DST: variants seen among roughly 807,000 people sequenced by gnomAD.
DST encodes the protein dystonin, also known as bullous pemphigoid antigen.
DST carries 253 observed loss-of-function variants against 875.2 expected under a neutral mutation model. That is an observed-to-expected ratio of 0.29 (90% CI 0.26 to 0.32). The LOEUF (loss-of-function observed/expected upper bound fraction) is 0.32, where lower values mean the gene tolerates loss of function less well. DST is among the 10% of genes least tolerant of loss of function. The pLI, the probability that DST is intolerant of heterozygous loss-of-function variation, is 1.00. For synonymous variants in DST, 3,124 were observed against 3,197.1 expected (o/e 0.98, Z 0.77); for missense variants, 8,287 against 9,111.6 (o/e 0.91, Z 3.68).
chr6:56,908,895 G>A (rs578040970), intron 2 of DST, among the ~76,000 whole-genome samples: 1 of 152,250 alleles, frequency 6.6e-6, no homozygotes, highest in South Asian at 2.1e-4. Context: ...GTCTAAAAGG[G>A]GGATGCATGA....
chr6:56,719,816 G>C (rs557196730), intron 5 of DST, among the ~76,000 whole-genome samples: 1 of 152,330 alleles, frequency 6.6e-6, no homozygotes, highest in African/African-American at 2.4e-5. Context: ...AAACCAGCAA[G>C]TTTTATTAGG....
chr6:56,607,225 G>A lies in DST; in HGVS notation c.7403C>T (p.Ala2468Val). ...CATGGTTTTGTCACTGAATGATAAG[G>A]CTGGGGCTTCACACTTATTTCCATT... is the stretch of plus-strand genomic sequence containing the variant. ...ESNGNKCEAP[A>V]LSFSDKTMLS... The change falls in exon 40 of 104, where the codon GCC becomes GTC. Residue 2468 changes from alanine to valine, a missense_variant. This residue lies in a region of DST where 3,138 missense variants were observed against 3,116.6 expected (regional missense o/e 1.01). Transcript: ENST00000680361. 6.2e-7 allele frequency: 1 copy of A among 1,613,370 alleles called. No homozygotes were observed. Among genetic ancestry groups the A allele is most frequent in the South Asian group, 1.1e-5 (1 of 91,052 alleles).
chr6:56,536,991 C>G, intron 61 of DST, 51 bp from the exon 62 acceptor site: 1 of 1,502,692 alleles, frequency 6.7e-7, no homozygotes. Context: ...TATCAACCGC[C>G]AAATATATAA....
rs141839678 is a variant in DST at position 56,620,023 on chromosome 6, C to T, written c.4929+4507G>A. Reference sequence around the variant, plus strand: ...ATGATGTAGCCTGTGTGATCGGACACACTGGCAATGCATTTTCTCTACATG... The same window carrying T: ...ATGATGTAGCCTGTGTGATCGGACATACTGGCAATGCATTTTCTCTACATG... On this transcript the variant is annotated intron_variant, in intron 36 of 103. Transcript: ENST00000680361. 237 of 1,614,096 alleles carry T rather than the reference C, an allele frequency of 1.5e-4. No homozygotes were observed. In the African/African-American group the frequency reaches 2.4e-3, roughly 17 times the overall value.
At chr6:56,525,732 C>T (rs1009957262) in intron 69 of DST, among the ~76,000 whole-genome samples, 20 of 152,238 alleles carry the variant, frequency 1.3e-4, no homozygotes, top group African/African-American at 3.1e-4. Flanking sequence ...TATTATATTA[C>T]GAACTTCTAT....
chr6:56,696,379 C>A (rs1325118931), intron 9 of DST, among the ~76,000 whole-genome samples: 2 of 152,102 alleles, frequency 1.3e-5, no homozygotes, highest in Non-Finnish European at 2.9e-5. Context: ...TCAGGCTGGT[C>A]TTGAACTCCC....
chr6:56,668,141 T>C (rs958726056), intron 10 of DST, among the ~76,000 whole-genome samples: 27 of 152,184 alleles, frequency 1.8e-4, no homozygotes, highest in Non-Finnish European at 3.8e-4. Context: ...ACAAATACTT[T>C]AGGTATCACA....
At chr6:56,934,612 G>A (rs1592673035) in intron 2 of DST, among the ~76,000 whole-genome samples, 1 of 129,376 alleles carries the variant, frequency 7.7e-6, no homozygotes, top group East Asian at 2.0e-4. Context: ...AGAAGGAGGG[G>A]AGAGAGAGAG....
At chr6:56,824,781 T>A (rs1376835950) in intron 4 of DST, among the ~76,000 whole-genome samples, 1 of 150,782 alleles carries the variant, frequency 6.6e-6, no homozygotes, top group Non-Finnish European at 1.5e-5. Flanking sequence ...AGCTGCCCCG[T>A]CTGAGAAGTG....
chr6:56,587,282 G>A (rs1468469211), intron 49 of DST, among the ~76,000 whole-genome samples: 39 of 152,306 alleles, frequency 2.6e-4, no homozygotes, highest in South Asian at 4.1e-4. Flanking sequence ...CTCAGGAGCC[G>A]ATGCGATCAA....
intron 68 of DST, among the ~76,000 whole-genome samples, chr6:56,527,240 T>G (rs2096819667): frequency 6.6e-6 from 1 of 152,104 alleles, no homozygotes; most frequent in Admixed American, 6.5e-5. Context: ...TCTGTTTTCA[T>G]CATTCTGTCC....
rs2098406023 is a variant in DST, at chr6:56,597,819, C to T, written c.12116G>A (p.Gly4039Asp). The T allele has an allele frequency of 1.9e-6, 3 of 1,613,836 alleles. No individual in the cohort carries two copies. Among genetic ancestry groups the T allele is most frequent in the Non-Finnish European group, 2.5e-6 (3 of 1,179,854 alleles). ...SAIGEEDEVN[G>D]NLLETDVDGQ... is the part of the protein sequence containing the mutation. The stretch of plus-strand genomic sequence containing the variant: ...ATCAACATCAGTCTCCAACAGGTTA[C>T]CATTAACTTCATCCTCTTCTCCAAT... The change falls in exon 47 of 104, where the codon GGT becomes GAT. Residue 4039 changes from glycine to aspartate, a missense_variant. Transcript: ENST00000680361.
At chr6:56,887,699 T>C (rs1477452453) in intron 3 of DST, among the ~76,000 whole-genome samples, 1 of 152,180 alleles carries the variant, frequency 6.6e-6, no homozygotes, top group Non-Finnish European at 1.5e-5. Flanking sequence ...ATAGAAAGAA[T>C]GGCAAGAGGT....
intron 9 of DST, among the ~76,000 whole-genome samples, chr6:56,689,511 G>A (rs2099213115): frequency 6.6e-6 from 1 of 152,172 alleles, no homozygotes; most frequent in South Asian, 2.1e-4. Flanking sequence ...ACTGTCTCAT[G>A]ACAGAAGATA....
At chr6:56,863,585 T>C (rs1772421288) in intron 3 of DST, among the ~76,000 whole-genome samples, 1 of 152,132 alleles carries the variant, frequency 6.6e-6, no homozygotes, top group Non-Finnish European at 1.5e-5. Flanking sequence ...CTGACCTTCC[T>C]CCCCTTCACA....
At chr6:56,732,848 C>T (rs920250564) in intron 5 of DST, among the ~76,000 whole-genome samples, 47 of 152,222 alleles carry the variant, frequency 3.1e-4, no homozygotes, top group African/African-American at 1.1e-3. Context: ...AAGTCAAACA[C>T]TGGACACAGC....
chr6:56,949,152 T>C (rs575668309), intron 2 of DST, among the ~76,000 whole-genome samples: 55 of 152,222 alleles, frequency 3.6e-4, no homozygotes, highest in Non-Finnish European at 6.8e-4. Flanking sequence ...TAAGATTACA[T>C]AAAGATGCAA....
chr6:56,851,676 C>T (rs1765322517), intron 3 of DST, 72 bp from the exon 4 acceptor site: 3 of 1,559,638 alleles, frequency 1.9e-6, no homozygotes, highest in Middle Eastern at 3.3e-4. Flanking sequence ...AAACATCTCC[C>T]CCACCAACCA....
chr6:56,596,938 A>G (rs1441531319), intron 47 of DST, among the ~76,000 whole-genome samples: 2 of 152,236 alleles, frequency 1.3e-5, no homozygotes, highest in Admixed American at 1.3e-4. Context: ...GAGCTCAGAA[A>G]GAACTTAAGT....
Sources: allele counts gnomAD v4.1 joint callset (sites outside exome capture counted in the v4.1 genomes callset), GRCh38; gene constraint gnomAD v4.1.1; regional missense constraint gnomAD v4.1.1; transcripts MANE v1.5; gene names NCBI Gene and HGNC (gene_info 2026-07-23, HGNC 2026-07-21).